NUDT9: variants seen among roughly 807,000 people sequenced by gnomAD.
The protein encoded by NUDT9 is nudix hydrolase 9.
NUDT9 carries 31 observed loss-of-function variants against 41.0 expected under a neutral mutation model. That is an observed-to-expected ratio of 0.76 (90% CI 0.57 to 1.02). The LOEUF is 1.02. Ranked by LOEUF, NUDT9 falls within the 50% of genes least tolerant of loss-of-function variation. The pLI is 0.00. For missense variants in NUDT9, 380 were observed against 431.4 expected (o/e 0.88, Z 1.06); for synonymous variants, 146 against 147.6 (o/e 0.99, Z 0.08).
At position 87,438,304 on chromosome 4, in the gene NUDT9, C is replaced by T. The variant is rs59151353; in HGVS notation, c.375C>T (p.Asn125=). Residue 125 remains asparagine, a synonymous_variant, in exon 3 of 8, where the codon AAC becomes AAT. Transcript: ENST00000302174. The stretch of plus-strand genomic sequence containing the variant: ...AAAGTAATTTTTCTCCCAAGTTTAA[C>T]GAAAAGGATGGGCATGTTGAGAGAA... ...ISESNFSPKF[N]EKDGHVERKS... is the part of the protein sequence containing the mutation. 2.5e-5 allele frequency: 40 copies of T among 1,608,816 alleles called. No individual in the cohort carries two copies. The highest frequency in any genetic ancestry group is 2.3e-4 in the African/African-American group (17 of 74,842).
At chr4:87,440,411 C>T (rs1722151918) in intron 3 of NUDT9, among the ~76,000 whole-genome samples, 2 of 152,192 alleles carry the variant, frequency 1.3e-5, no homozygotes, top group Non-Finnish European at 2.9e-5. Context: ...ACCATCTGTG[C>T]TTTTCAGGTT....
Position 87,458,008 on chromosome 4 carries a change from G to C in NUDT9, c.1040G>C (p.Cys347Ser). 6.5e-7 allele frequency: 1 copy of C among 1,543,352 alleles called. No homozygotes were observed. Among genetic ancestry groups the C allele is most frequent in the Non-Finnish European group, 8.7e-7 (1 of 1,152,094 alleles). The change falls in exon 8 of 8, where the codon TGC becomes TCC. Residue 347 changes from cysteine to serine, a missense_variant. Transcript: ENST00000302174. ...AHWSEDSEAD[C>S]HAL Reference sequence around the variant, plus strand: ...TGGAGCGAGGACTCTGAAGCTGACTGCCATGCGTTGTAGCTGATGGTCTCC... The same window carrying C: ...TGGAGCGAGGACTCTGAAGCTGACTCCCATGCGTTGTAGCTGATGGTCTCC...
At chr4:87,446,458 C>T (rs1050338071) in intron 4 of NUDT9, among the ~76,000 whole-genome samples, 2 of 152,070 alleles carry the variant, frequency 1.3e-5, no homozygotes, top group African/African-American at 2.4e-5. Context: ...TGGTCTTGAT[C>T]TCTTGACTTC....
chr4:87,444,365 T>C (rs1027374174), intron 4 of NUDT9, among the ~76,000 whole-genome samples: 10 of 152,142 alleles, frequency 6.6e-5, no homozygotes, highest in Admixed American at 6.6e-4. Context: ...TTACTTGCCC[T>C]CTTGATTCTC....
intron 1 of NUDT9, among the ~76,000 whole-genome samples, chr4:87,424,795 G>C (rs1446849140): frequency 6.6e-6 from 1 of 152,184 alleles, no homozygotes; most frequent in Non-Finnish European, 1.5e-5. Flanking sequence ...CTTTTTGTTA[G>C]ATGCCAGCAG....
Position 87,458,164 on chromosome 4 carries a change from C to A in NUDT9, c.*143C>A. 1 of 614,892 alleles carries A rather than the reference C, an allele frequency of 1.6e-6. No individual in the cohort carries two copies. The highest frequency in any genetic ancestry group is 2.4e-6 in the Non-Finnish European group (1 of 411,854). 38.1% of individuals were successfully genotyped at this position (614,892 alleles called of 1,614,324 possible). On this transcript the variant is annotated 3_prime_UTR_variant, in exon 8 of 8. Coordinates refer to ENST00000302174, the MANE Select transcript of NUDT9 (RefSeq NM_024047.5). Reference sequence around the variant, plus strand: ...AAAACAATTTGCATTTAGAGTGTTTCGCATCAGAATAACATGAGTAAGATG... The same window carrying A: ...AAAACAATTTGCATTTAGAGTGTTTAGCATCAGAATAACATGAGTAAGATG...
intron 1 of NUDT9, among the ~76,000 whole-genome samples, chr4:87,428,800 A>G (rs1282289208): frequency 6.6e-6 from 1 of 152,052 alleles, no homozygotes; most frequent in Non-Finnish European, 1.5e-5. Flanking sequence ...TATCCTGTAT[A>G]CCTCCTACCT....
At chr4:87,443,327 CTT>C (rs759158404) in intron 4 of NUDT9, among the ~76,000 whole-genome samples, 1 of 152,084 alleles carries the variant, frequency 6.6e-6, no homozygotes, top group African/African-American at 2.4e-5. Context: ...TTTAAAGAGA[CTT>C]TATATAAAAT....
At chr4:87,444,397 C>T (rs1722355543) in intron 4 of NUDT9, among the ~76,000 whole-genome samples, 1 of 152,086 alleles carries the variant, frequency 6.6e-6, no homozygotes, top group Non-Finnish European at 1.5e-5. Context: ...GATCTTTACC[C>T]AACCCCAAAT....
At chr4:87,457,712 T>C in intron 7 of NUDT9, 131 bp from the exon 8 acceptor site, 1 of 750,644 alleles carries the variant, frequency 1.3e-6, no homozygotes, top group Non-Finnish European at 2.1e-6. Flanking sequence ...TGGAATGGTC[T>C]AGTTTTTAAT....
At chr4:87,445,869 T>G (rs1472033486) in intron 4 of NUDT9, among the ~76,000 whole-genome samples, 1 of 152,164 alleles carries the variant, frequency 6.6e-6, no homozygotes, top group East Asian at 1.9e-4. Context: ...GAATAAAATC[T>G]GAGAACATAT....
At chr4:87,443,937 A>G (rs1722332239) in intron 4 of NUDT9, among the ~76,000 whole-genome samples, 1 of 152,214 alleles carries the variant, frequency 6.6e-6, no homozygotes, top group Non-Finnish European at 1.5e-5. Flanking sequence ...CTTCCGAGGC[A>G]GACCTATGTG....
At chr4:87,442,678 A>C (rs905008277) in intron 4 of NUDT9, among the ~76,000 whole-genome samples, 2 of 152,180 alleles carry the variant, frequency 1.3e-5, no homozygotes, top group Non-Finnish European at 1.5e-5. Flanking sequence ...CACTTTTTTT[A>C]ATTTAAAAAA....
chr4:87,436,477 A>C (rs1182521142), intron 2 of NUDT9, among the ~76,000 whole-genome samples: 1 of 151,928 alleles, frequency 6.6e-6, no homozygotes, highest in Admixed American at 6.6e-5. Flanking sequence ...TGCCTGGCTA[A>C]CTTTTAAATT....
At chr4:87,423,351 G>A (rs779964793) in intron 1 of NUDT9, among the ~76,000 whole-genome samples, 10 of 152,078 alleles carry the variant, frequency 6.6e-5, no homozygotes, top group Non-Finnish European at 1.3e-4. Flanking sequence ...ATTAATACAT[G>A]TACATAGTTA....
Position 87,438,291 on chromosome 4 carries a change from C to G in NUDT9, c.362C>G (p.Ser121Cys). The part of the protein sequence containing the change: ...ADPQISESNF[S>C]PKFNEKDGHV... The stretch of plus-strand genomic sequence containing the variant: ...TCTCATTACAGTGAAAGTAATTTTT[C>G]TCCCAAGTTTAACGAAAAGGATGGG... The change falls in exon 3 of 8, where the codon TCT becomes TGT. Residue 121 changes from serine (S) to cysteine (C), a missense_variant. Physicochemically the swap from Ser to Cys is moderately radical, Grantham distance 112 (BLOSUM62 -1). Transcript: ENST00000302174. The G allele has an allele frequency of 6.2e-7, 1 of 1,601,808 alleles. No homozygotes were observed.
intron 1 of NUDT9, among the ~76,000 whole-genome samples, chr4:87,431,787 G>A (rs1015763751): frequency 1.3e-5 from 2 of 152,144 alleles, no homozygotes; most frequent in Non-Finnish European, 2.9e-5. Context: ...TGGGGTTTAA[G>A]TGATTCTCCT....
At chr4:87,455,807 A>G (rs1283505919) in intron 7 of NUDT9, among the ~76,000 whole-genome samples, 3 of 151,708 alleles carry the variant, frequency 2.0e-5, no homozygotes, top group Non-Finnish European at 4.4e-5. Flanking sequence ...TACTACAGGC[A>G]TGCACCACCA....
chr4:87,440,672 C>A (rs1722164778), intron 3 of NUDT9, among the ~76,000 whole-genome samples: 1 of 152,054 alleles, frequency 6.6e-6, no homozygotes, highest in South Asian at 2.1e-4. Context: ...ATGGTGAAAC[C>A]CTGTCTCTAC....
Sources: gnomAD v4.1 joint callset for allele counts (sites outside exome capture counted in the v4.1 genomes callset) on GRCh38, gnomAD v4.1.1 for gene constraint, MANE v1.5 for transcripts, NCBI Gene and HGNC (gene_info 2026-07-23, HGNC 2026-07-21) for gene names.